SRP54: variants seen among roughly 807,000 people sequenced by gnomAD.
SRP54 encodes signal recognition particle subunit SRP54.
In SRP54, 10 loss-of-function variants were observed where a neutral mutation model predicts 64.8. The ratio of observed to expected loss-of-function variants is 0.15; its 90% CI spans 0.10 to 0.26. The LOEUF is 0.26. Ranked by LOEUF, SRP54 falls within the 10% of genes least tolerant of loss-of-function variation. The pLI, the probability that SRP54 is intolerant of heterozygous loss-of-function variation, is 1.00. For missense variants in SRP54, 325 were observed against 613.7 expected (o/e 0.53, Z 4.97); for synonymous variants, 193 against 185.6 (o/e 1.04, Z -0.32).
At chr14:34,991,132 T>TGTC (rs2043970850) in intron 1 of SRP54, among the ~76,000 whole-genome samples, 3 of 147,782 alleles carry the variant, frequency 2.0e-5, no homozygotes, top group Non-Finnish European at 4.5e-5. Context: ...TTTTTTTTGT[T>TGTC]GTTGTTGTTG....
intron 1 of SRP54, chr14:34,993,143 A>C (rs554146352): frequency 5.2e-4 from 79 of 152,342 alleles, no homozygotes; most frequent in African/African-American, 1.8e-3. Context: ...TATAGGCGTA[A>C]ACCACCATGC....
chr14:34,983,896 G>A (rs2043850960), intron 1 of SRP54, among the ~76,000 whole-genome samples: 1 of 152,198 alleles, frequency 6.6e-6, no homozygotes, highest in Non-Finnish European at 1.5e-5. Flanking sequence ...CATATAAAGA[G>A]CTGTAGAAAG....
At chr14:35,006,291 G>T (rs562224104) in intron 4 of SRP54, among the ~76,000 whole-genome samples, 2 of 152,128 alleles carry the variant, frequency 1.3e-5, no homozygotes, top group Non-Finnish European at 2.9e-5. Flanking sequence ...TTTACAGTTT[G>T]ACCTGGAAAA....
intron 13 of SRP54, 103 bp downstream of exon 13, chr14:35,019,177 G>C (rs1019954667): frequency 7.9e-6 from 6 of 762,298 alleles, no homozygotes; most frequent in Non-Finnish European, 1.1e-5. Context: ...AATTTAGCCT[G>C]AAAGATTATT....
chr14:34,985,686 ATACT>A (rs1486085607), intron 1 of SRP54, among the ~76,000 whole-genome samples: 4 of 152,210 alleles, frequency 2.6e-5, no homozygotes, highest in African/African-American at 4.8e-5. Flanking sequence ...ATGTTATTAA[ATACT>A]TAATATAGTG....
At chr14:35,015,139 CA>C (rs1467595693) in intron 11 of SRP54, among the ~76,000 whole-genome samples, 2 of 152,078 alleles carry the variant, frequency 1.3e-5, no homozygotes, top group African/African-American at 4.8e-5. Context: ...TGCAGTGGTG[CA>C]ATCTTGGCTC....
In SRP54 at chr14:35,008,692, A is replaced by G. The variant is rs2044306045; in HGVS notation, c.426A>G (p.Ala142=). 6.2e-7 allele frequency: 1 copy of G among 1,607,172 alleles called. No homozygotes were observed. Among genetic ancestry groups the G allele is most frequent in the Non-Finnish European group, 8.5e-7 (1 of 1,177,358 alleles). The change falls in exon 6 of 16, where the codon GCA becomes GCG. Residue 142 remains alanine, a splice_region_variant and synonymous_variant. Transcript: ENST00000216774. ...TCLICADTFR[A]GAFDQLKQNA... ...TAATATGTGCAGACACATTCAGAGC[A>G]GGTAATGTCTTGAAATTTGAAAATT... is the stretch of plus-strand genomic sequence containing the variant.
intron 8 of SRP54, among the ~76,000 whole-genome samples, chr14:35,012,717 C>G (rs1268133000): frequency 2.0e-5 from 3 of 152,094 alleles, no homozygotes; most frequent in African/African-American, 7.2e-5. Context: ...TAGAAAATGC[C>G]TCCCATACTT....
chr14:35,027,026 CTTTTTTT>C (rs368696128), intron 14 of SRP54, among the ~76,000 whole-genome samples: 1 of 135,060 alleles, frequency 7.4e-6, no homozygotes, highest in East Asian at 2.2e-4. Context: ...TTTCTACTTT[CTTTTTTT>C]TTTTTTTTTC....
chr14:35,018,067 T>A (rs2044471233), intron 11 of SRP54, among the ~76,000 whole-genome samples: 1 of 152,178 alleles, frequency 6.6e-6, no homozygotes, highest in Non-Finnish European at 1.5e-5. Flanking sequence ...ACTGTACCAC[T>A]TCAATCCAGT....
intron 1 of SRP54, among the ~76,000 whole-genome samples, chr14:34,994,069 C>CT (rs2044026726): frequency 6.6e-6 from 1 of 152,152 alleles, no homozygotes; most frequent in South Asian, 2.1e-4. Flanking sequence ...TCTCAGCTCA[C>CT]TGTAACCTCT....
At chr14:35,005,444 C>T (rs942536097) in intron 4 of SRP54, among the ~76,000 whole-genome samples, 5 of 152,284 alleles carry the variant, frequency 3.3e-5, no homozygotes, top group Admixed American at 1.3e-4. Flanking sequence ...TTGCCCAGGC[C>T]GGAGTACAGT....
At chr14:35,022,204 T>C (rs2044542684) in intron 13 of SRP54, among the ~76,000 whole-genome samples, 1 of 152,008 alleles carries the variant, frequency 6.6e-6, no homozygotes, top group Non-Finnish European at 1.5e-5. Flanking sequence ...TTGGAGGGCC[T>C]GGAGAGGGTA....
At chr14:34,995,188 T>TGTGTGTGTGTAG (rs1555353238) in intron 1 of SRP54, among the ~76,000 whole-genome samples, 30 of 79,904 alleles carry the variant, frequency 3.8e-4, no homozygotes, top group African/African-American at 1.2e-3. Flanking sequence ...TGTGTGTGTG[T>TGTGTGTGTGTAG]AGAGAGAGAG....
chr14:35,006,522 A>C (rs1408164429), intron 4 of SRP54, among the ~76,000 whole-genome samples: 2 of 152,228 alleles, frequency 1.3e-5, no homozygotes, highest in African/African-American at 4.8e-5. Context: ...TTTTTTATAT[A>C]GATTACATAT....
chr14:35,023,195 C>T (rs2044563582), intron 14 of SRP54, 115 bp downstream of exon 14: 1 of 804,484 alleles, frequency 1.2e-6, no homozygotes, highest in Non-Finnish European at 1.9e-6. Context: ...TTTTCAAGTA[C>T]TTCCAGGATT....
rs766463902 is a variant in SRP54 at position 35,029,121 on chromosome 14, T to C, written c.1484T>C (p.Met495Thr). The change falls in exon 16 of 16, where the codon ATG becomes ACG. Residue 495 changes from methionine (M) to threonine (T), a missense_variant. By Grantham distance (81) the Met-to-Thr change is moderately conservative (BLOSUM62 -1). Coordinates refer to ENST00000216774, the MANE Select transcript of SRP54 (RefSeq NM_003136.4). ...TTTCAACAGGGTGCTGCTGGCAACA[T>C]GAAAGGCATGATGGGATTCAATAAT... is the stretch of plus-strand genomic sequence containing the variant. ...RQFQQGAAGN[M>T]KGMMGFNNM The C allele has an allele frequency of 3.7e-6, 6 of 1,613,974 alleles. 1 individual carries two copies. The South Asian group carries it at 6.6e-5, about 18-fold the overall frequency.
chr14:34,996,603 T>G, intron 1 of SRP54, 74 bp from the exon 2 acceptor site: 1 of 796,870 alleles, frequency 1.3e-6, no homozygotes, highest in Non-Finnish European at 2.2e-6. Context: ...AATTTGAACT[T>G]AAATACTCTT....
intron 2 of SRP54, among the ~76,000 whole-genome samples, chr14:34,998,287 G>A (rs1364554803): frequency 6.6e-6 from 1 of 152,148 alleles, no homozygotes; most frequent in Admixed American, 6.5e-5. Flanking sequence ...ACATTCTAGT[G>A]TGTGAGCACT....
Sources: allele counts gnomAD v4.1 joint callset (sites outside exome capture counted in the v4.1 genomes callset), GRCh38; gene constraint gnomAD v4.1.1; transcripts MANE v1.5; gene names NCBI Gene and HGNC (gene_info 2026-07-23, HGNC 2026-07-21).